Variants in TUB observed in about 807,000 individuals in gnomAD.
TUB encodes the protein tubby protein homolog.
TUB carries 33 observed loss-of-function variants against 59.7 expected under a neutral mutation model. That is an observed-to-expected ratio of 0.55 (90% CI 0.42 to 0.74). TUB has a LOEUF of 0.74. Among genes scored for constraint, TUB ranks in the 30% least tolerant of loss-of-function variants. TUB has a pLI of 0.00. For missense variants in TUB, 659 were observed against 672.0 expected (o/e 0.98, Z 0.21); for synonymous variants, 293 against 256.4 (o/e 1.14, Z -1.36).
Position 8,097,237 on chromosome 11 carries a change from T to G in TUB, c.697T>G (p.Ser233Ala). 6.2e-7 allele frequency: 1 copy of G among 1,614,056 alleles called. No individual in the cohort carries two copies. The highest frequency in any genetic ancestry group is 8.5e-7 in the Non-Finnish European group (1 of 1,180,010). ...TSRKSVREAA[S>A]APSPTAPEQP... is the part of the protein sequence containing the mutation. ...TTCTGCATCCCCATAGGAGGCAGCC[T>G]CAGCCCCTAGCCCAACAGCTCCAGA... The change falls in exon 7 of 12, where the codon TCA becomes GCA. Residue 233 changes from serine to alanine, a missense_variant. Around this residue, in one of 3 missense-constraint regions of TUB, gnomAD observed 112 missense variants for 156.9 expected, o/e 0.71. Transcript: ENST00000299506.
intron 2 of TUB, among the ~76,000 whole-genome samples, chr11:8,065,090 G>A (rs1943211658): frequency 6.6e-6 from 1 of 152,190 alleles, no homozygotes. Flanking sequence ...GAGAATTGGT[G>A]GAAGCTGGCT....
chr11:8,054,451 A>C (rs866882554), intron 2 of TUB, among the ~76,000 whole-genome samples: 1 of 151,966 alleles, frequency 6.6e-6, no homozygotes, highest in Non-Finnish European at 1.5e-5. Flanking sequence ...GGCTGGAGAG[A>C]GAGAGAGAGA....
chr11:8,095,744 C>CCTTCG (rs1196806897), intron 5 of TUB, 79 bp downstream of exon 5: 1 of 1,451,004 alleles, frequency 6.9e-7, no homozygotes, highest in East Asian at 2.5e-5. Flanking sequence ...GGGAGCATGG[C>CCTTCG]CTTCCTGTGT....
At chr11:8,030,276 C>T (rs966193089) in intron 1 of TUB, among the ~76,000 whole-genome samples, 3 of 152,200 alleles carry the variant, frequency 2.0e-5, no homozygotes, top group East Asian at 1.9e-4. Context: ...GAAGGAAGCT[C>T]CAGCTATGCC....
chr11:8,103,766 A>C lies in TUB; in HGVS notation c.*2147A>C, dbSNP rs557128484. 2 of 152,650 alleles carry C rather than the reference A, an allele frequency of 1.3e-5. No homozygotes were observed. The highest frequency in any genetic ancestry group is 2.4e-5 in the African/African-American group (1 of 41,460). 9.5% of individuals were successfully genotyped at this position (152,650 alleles called of 1,614,324 possible). ...AGATGATGGAAACTAGATCGTCTCTAATGTTAGGTCAAGCTATTTCTCTGG... is the reference window on the plus strand; with the variant it reads ...AGATGATGGAAACTAGATCGTCTCTCATGTTAGGTCAAGCTATTTCTCTGG... On this transcript the variant is annotated 3_prime_UTR_variant, in exon 12 of 12. Coordinates refer to ENST00000299506, the MANE Select transcript of TUB (RefSeq NM_177972.3).
intron 2 of TUB, chr11:8,067,511 T>C (rs1308081424): frequency 6.6e-6 from 1 of 152,248 alleles, no homozygotes; most frequent in Non-Finnish European, 1.5e-5. Context: ...GCTACTGTTA[T>C]TATTTTGTGC....
rs370882734 is a variant in TUB at position 8,101,614 on chromosome 11, G to A, written c.1516G>A (p.Glu506Lys). The change falls in exon 12 of 12, where the codon GAG becomes AAG. Residue 506 changes from glutamate to lysine, a missense_variant. Glu to Lys is a moderately conservative substitution (Grantham distance 56). Transcript: ENST00000299506. ...CAGCTTCGACAGCAAGCTGGCGTGC[G>A]AGTAGAGGCCTCTTCGTGCCCTTTG... ...LSSFDSKLACE is the reference protein window; with the variant it reads ...LSSFDSKLACK 2.2e-5 allele frequency: 36 copies of A among 1,614,088 alleles called. 1 individual carries two copies. The highest frequency in any genetic ancestry group is 4.4e-5 in the South Asian group (4 of 91,084).
Position 8,105,789 on chromosome 11 carries a change from G to T in TUB, c.*4170G>T. On this transcript the variant is annotated 3_prime_UTR_variant, in exon 12 of 12. Coordinates refer to ENST00000299506, the MANE Select transcript of TUB (RefSeq NM_177972.3). ...ACATCCCTCTCCTCTCCTCCTCTGT[G>T]CTCCTGTCCCTCCCTCCCCCTAGCA... 1 of 151,968 alleles carries T rather than the reference G, an allele frequency of 6.6e-6. No homozygotes were observed. Among genetic ancestry groups the T allele is most frequent in the Middle Eastern group, 3.2e-3 (1 of 316 alleles). 9.4% of individuals were successfully genotyped at this position (151,968 alleles called of 1,614,324 possible).
In TUB at chr11:8,090,123, C is replaced by T; in HGVS notation, c.145C>T (p.Gln49Ter). ...KKKRQEPLMV[Q>*]ANADGRPRSR... ...GAAGCGCCAGGAGCCCCTGATGGTG[C>T]AGGCCAATGCAGATGGGCGGCCCCG... is the stretch of plus-strand genomic sequence containing the variant. The change falls in exon 3 of 12, where the codon CAG becomes TAG. Residue 49 changes from glutamine to a stop codon, truncating the protein, a stop_gained. Coordinates refer to ENST00000299506, the MANE Select transcript of TUB (RefSeq NM_177972.3). LOFTEE classifies it high-confidence loss of function. 6.2e-7 allele frequency: 1 copy of T among 1,613,396 alleles called. No individual in the cohort carries two copies. The highest frequency in any genetic ancestry group is 8.5e-7 in the Non-Finnish European group (1 of 1,179,762).
chr11:8,034,347 C>A (rs1942617782), upstream of TUB, among the ~76,000 whole-genome samples: 1 of 152,124 alleles, frequency 6.6e-6, no homozygotes, highest in Admixed American at 6.5e-5. Context: ...GGTGGGAGTC[C>A]CTCACCCACT....
At chr11:8,035,552 C>G (rs1173400794), upstream of TUB, 1 of 152,332 alleles carries the variant, frequency 6.6e-6, no homozygotes, top group Admixed American at 6.5e-5. Context: ...CCCAAAGGGC[C>G]CCTCCATGGG....
At chr11:8,093,913 A>G in intron 3 of TUB, 133 bp from the exon 4 acceptor site, 1 of 1,000,264 alleles carries the variant, frequency 1.0e-6, no homozygotes, top group Non-Finnish European at 1.5e-6. Context: ...TGGGCTGTAG[A>G]AGTGGTACAG....
At position 8,103,886 on chromosome 11, in the gene TUB, C is replaced by T. The variant is rs1032748434; in HGVS notation, c.*2267C>T. 3.3e-5 allele frequency: 5 copies of T among 152,264 alleles called. No individual in the cohort carries two copies. Among genetic ancestry groups the T allele is most frequent in the African/African-American group, 1.2e-4 (5 of 41,462 alleles). 9.4% of individuals were successfully genotyped at this position (152,264 alleles called of 1,614,324 possible). A position where few individuals can be genotyped will look rare whatever the true frequency, so the allele number is the denominator to read the frequency against. On this transcript the variant is annotated 3_prime_UTR_variant, in exon 12 of 12. Coordinates refer to ENST00000299506, the MANE Select transcript of TUB (RefSeq NM_177972.3). ...AAAATCAGAAGCACAAAGGAAAACT[C>T]TTGGCCTCTGCTTTCTCCTGTAGCA...
At chr11:8,049,572 T>TAG (rs1564902510) in intron 2 of TUB, among the ~76,000 whole-genome samples, 9 of 92,286 alleles carry the variant, frequency 9.8e-5, no homozygotes, top group African/African-American at 3.2e-4. Context: ...TATATATATA[T>TAG]ATATATATAG....
In TUB at chr11:8,097,419, G is replaced by GA; in HGVS notation, c.881dup (p.Lys295GlufsTer14). The GA allele has an allele frequency of 6.2e-7, 1 of 1,614,220 alleles. No individual in the cohort carries two copies. The highest frequency in any genetic ancestry group is 8.5e-7 in the Non-Finnish European group (1 of 1,180,030). On this transcript the variant is annotated frameshift_variant, in exon 7 of 12. Coordinates refer to ENST00000299506, the MANE Select transcript of TUB (RefSeq NM_177972.3). LOFTEE classifies it high-confidence loss of function. ...TTCTGCACCTGGACCGTGAGGATGG[G>GA]AAGAAGGTAAGGTTGGTCTGGGCAT...
At chr11:8,044,830 C>CTTTAT (rs1942805827) in intron 2 of TUB, among the ~76,000 whole-genome samples, 1 of 152,138 alleles carries the variant, frequency 6.6e-6, no homozygotes, top group South Asian at 2.1e-4. Flanking sequence ...CAGGAAAGCA[C>CTTTAT]TTTATTTACT....
At chr11:8,096,568 T>C (rs1162237201) in intron 5 of TUB, 117 bp from the exon 6 acceptor site, 4 of 737,498 alleles carry the variant, frequency 5.4e-6, no homozygotes, top group Non-Finnish European at 9.9e-6. Flanking sequence ...AGTGTGTGCA[T>C]AAGTTTGTGG....
chr11:8,057,351 C>T (rs1271804567), intron 2 of TUB, among the ~76,000 whole-genome samples: 3 of 150,674 alleles, frequency 2.0e-5, no homozygotes, highest in South Asian at 4.2e-4. Context: ...TAACGAGATG[C>T]AGATGAACTG....
upstream of TUB, chr11:8,035,833 A>T (rs1393347572): frequency 6.6e-6 from 1 of 152,316 alleles, no homozygotes; most frequent in Non-Finnish European, 1.5e-5. Flanking sequence ...ACATTCCTCT[A>T]GGGGGAGGAC....
Sources: allele counts gnomAD v4.1 joint callset (sites outside exome capture counted in the v4.1 genomes callset), GRCh38; gene constraint gnomAD v4.1.1; regional missense constraint gnomAD v4.1.1; transcripts MANE v1.5; gene names NCBI Gene and HGNC (gene_info 2026-07-23, HGNC 2026-07-21).